CDKAL1: variants seen among roughly 807,000 people sequenced by gnomAD.
CDKAL1 encodes CDKAL1 threonylcarbamoyladenosine tRNA methylthiotransferase.
A neutral mutation model predicts 68.2 loss-of-function variants in CDKAL1; 32 were observed. That is an observed-to-expected ratio of 0.47 (90% CI 0.35 to 0.63). The LOEUF (loss-of-function observed/expected upper bound fraction) is 0.63, where lower values mean the gene tolerates loss of function less well. Ranked by LOEUF, CDKAL1 falls within the 30% of genes least tolerant of loss-of-function variation. The probability of loss-of-function intolerance (pLI) is 0.00; values close to 1 mark genes in which losing one functional copy is unlikely to be tolerated. For synonymous variants in CDKAL1, 234 were observed against 244.3 expected (o/e 0.96, Z 0.39); for missense variants, 606 against 696.7 (o/e 0.87, Z 1.47).
chr6:20,782,420 C>T (rs1208800992), intron 8 of CDKAL1, among the ~76,000 whole-genome samples: 1 of 152,178 alleles, frequency 6.6e-6, no homozygotes, highest in African/African-American at 2.4e-5. Context: ...TGGAGTACCT[C>T]ACATATTCAT....
chr6:21,172,066 T>G (rs1777409441), intron 13 of CDKAL1, among the ~76,000 whole-genome samples: 1 of 152,120 alleles, frequency 6.6e-6, no homozygotes, highest in African/African-American at 2.4e-5. Flanking sequence ...CATATGCAGA[T>G]TTTCACATAT....
chr6:20,540,100 GTCTCA>G (rs1561910017), intron 2 of CDKAL1, among the ~76,000 whole-genome samples: 3 of 88,036 alleles, frequency 3.4e-5, no homozygotes, highest in African/African-American at 2.4e-4. Flanking sequence ...TTGAGACAGA[GTCTCA>G]CTCTGTTGGC....
intron 4 of CDKAL1, among the ~76,000 whole-genome samples, chr6:20,633,066 G>T (rs9465845): frequency 0.71 from 107,496 of 152,144 alleles, 38,312 homozygotes; most frequent in African/African-American, 0.79. Flanking sequence ...TTTAACAGCT[G>T]TATTGAGATA....
chr6:20,702,969 C>G lies in CDKAL1; in HGVS notation c.372-36550C>G, dbSNP rs1022354577. ...GGTCTGTGGCAGAAATAGGATTTCC[C>G]TTTGCTTCTAATTGGGTATAGAGAG... On this transcript the variant is annotated intron_variant, in intron 5 of 15. Coordinates refer to ENST00000274695, the MANE Select transcript of CDKAL1 (RefSeq NM_017774.3). 7.2e-5 allele frequency among the ~76,000 whole-genome samples: 11 copies of G among 152,300 alleles called. 1 individual carries two copies. Among genetic ancestry groups the G allele is most frequent in the African/African-American group, 2.6e-4 (11 of 41,570 alleles).
chr6:21,054,800 A>G (rs1193638649), intron 11 of CDKAL1, among the ~76,000 whole-genome samples: 4 of 151,880 alleles, frequency 2.6e-5, no homozygotes, highest in Non-Finnish European at 1.5e-5. Context: ...ATTGATTTTT[A>G]TATATTGATC....
At chr6:20,701,979 A>T (rs1397139669) in intron 5 of CDKAL1, among the ~76,000 whole-genome samples, 1 of 152,168 alleles carries the variant, frequency 6.6e-6, no homozygotes, top group African/African-American at 2.4e-5. Context: ...GCTGACAGCA[A>T]TGGGATCCTT....
intron 13 of CDKAL1, among the ~76,000 whole-genome samples, chr6:21,151,902 C>T (rs763975493): frequency 1.3e-5 from 2 of 152,078 alleles, no homozygotes; most frequent in African/African-American, 2.4e-5. Flanking sequence ...CCCTGGCGTG[C>T]GGCCTCCACC....
chr6:21,031,828 A>G (rs763395665), intron 11 of CDKAL1, among the ~76,000 whole-genome samples: 1 of 152,060 alleles, frequency 6.6e-6, no homozygotes, highest in Admixed American at 6.6e-5. Flanking sequence ...ATGCTTCAAT[A>G]CCCCAAAGTT....
chr6:21,070,920 T>C (rs1771739295), intron 12 of CDKAL1, among the ~76,000 whole-genome samples: 1 of 152,200 alleles, frequency 6.6e-6, no homozygotes, highest in African/African-American at 2.4e-5. Context: ...ACCCTAGACC[T>C]GTTCAGTCAC....
At chr6:20,929,387 G>A (rs1038934883) in intron 9 of CDKAL1, among the ~76,000 whole-genome samples, 2 of 152,176 alleles carry the variant, frequency 1.3e-5, no homozygotes, top group African/African-American at 4.8e-5. Flanking sequence ...AGGAGTAAAT[G>A]GAAGGGAAAA....
At chr6:21,151,205 T>C (rs894301672) in intron 13 of CDKAL1, among the ~76,000 whole-genome samples, 4 of 152,224 alleles carry the variant, frequency 2.6e-5, no homozygotes, top group Non-Finnish European at 4.4e-5. Flanking sequence ...ATAGCATTTC[T>C]TCAATAAAAA....
At chr6:20,635,488 ATTTTTTTTT>A (rs56099357) in intron 4 of CDKAL1, among the ~76,000 whole-genome samples, 8 of 151,100 alleles carry the variant, frequency 5.3e-5, no homozygotes, top group Non-Finnish European at 1.0e-4. Context: ...TTGATTTTGG[ATTTTTTTTT>A]TCCAGATTTT....
chr6:20,699,667 A>G (rs1581405523), intron 5 of CDKAL1, among the ~76,000 whole-genome samples: 1 of 152,122 alleles, frequency 6.6e-6, no homozygotes, highest in Non-Finnish European at 1.5e-5. Context: ...CACCTTCTGG[A>G]TAGAGTTGCA....
intron 5 of CDKAL1, among the ~76,000 whole-genome samples, chr6:20,717,005 T>G (rs1356088783): frequency 6.6e-6 from 1 of 151,986 alleles, no homozygotes; most frequent in Non-Finnish European, 1.5e-5. Flanking sequence ...TGATCAGCTG[T>G]GTAAGTGTTG....
In CDKAL1 at chr6:21,132,704, A is replaced by G. The variant is rs147363021; in HGVS notation, c.1299+24241A>G. On this transcript the variant is annotated intron_variant, in intron 13 of 15. Transcript: ENST00000274695. ...TTTTTTTATTTGTGTTTTTCAATGT[A>G]TTATTTATGTATCTCATGATTTTGC... Among the ~76,000 whole-genome samples the G allele has an allele frequency of 8.4e-4, 128 of 152,196 alleles. 1 individual carries two copies. The highest frequency in any genetic ancestry group is 3.0e-3 in the African/African-American group (125 of 41,522).
At chr6:20,897,996 G>A (rs1012138902) in intron 9 of CDKAL1, among the ~76,000 whole-genome samples, 1 of 152,006 alleles carries the variant, frequency 6.6e-6, no homozygotes, top group African/African-American at 2.4e-5. Context: ...CAATTCTTTG[G>A]AGAAAACCAT....
chr6:20,892,816 G>T (rs890925718), intron 9 of CDKAL1, among the ~76,000 whole-genome samples: 1 of 152,100 alleles, frequency 6.6e-6, no homozygotes, highest in Non-Finnish European at 1.5e-5. Flanking sequence ...AACCTTTTTG[G>T]AAGCAGTTGC....
chr6:20,752,415 T>C (rs1048256744), intron 6 of CDKAL1, among the ~76,000 whole-genome samples: 2 of 152,154 alleles, frequency 1.3e-5, no homozygotes, highest in Non-Finnish European at 2.9e-5. Flanking sequence ...CTATATACAT[T>C]CAAGCAAATT....
rs1581829403 is a variant in CDKAL1 at position 20,918,760 on chromosome 6, C to T, written c.743-36659C>T. Among the ~76,000 whole-genome samples, 4 of 152,262 alleles carry T rather than the reference C, an allele frequency of 2.6e-5. No homozygotes were observed. The East Asian group carries it at 7.7e-4, about 29-fold the overall frequency. On this transcript the variant is annotated intron_variant, in intron 9 of 15. Coordinates refer to ENST00000274695, the MANE Select transcript of CDKAL1 (RefSeq NM_017774.3). ...TATTCCTATGCCTAAATTTAATTTG[C>T]ACATGGGAGGCTATGTAAAATGATG...
Sources: gnomAD v4.1 joint callset for allele counts (sites outside exome capture counted in the v4.1 genomes callset) on GRCh38, gnomAD v4.1.1 for gene constraint, MANE v1.5 for transcripts, NCBI Gene and HGNC (gene_info 2026-07-23, HGNC 2026-07-21) for gene names.